BRCA2: variants seen among roughly 807,000 people sequenced by gnomAD.
The protein encoded by BRCA2 is BRCA2 DNA repair associated.
A neutral mutation model predicts 276.7 loss-of-function variants in BRCA2; 203 were observed. The observed-to-expected ratio is 0.73, with a 90% CI of 0.65 to 0.82. The LOEUF (loss-of-function observed/expected upper bound fraction) is 0.82, where lower values mean the gene tolerates loss of function less well. Ranked by LOEUF, BRCA2 falls within the 40% of genes least tolerant of loss-of-function variation. The pLI is 0.00. For missense variants in BRCA2, 3,920 were observed against 3,915.0 expected, an observed-to-expected ratio of 1.00 and a Z score of -0.03; for synonymous variants, 1,289 against 1,338.4, an observed-to-expected ratio of 0.96 and a Z score of 0.81.
chr13:32,333,862 A>G (rs1265132409), intron 10 of BRCA2, among the ~76,000 whole-genome samples: 3 of 152,116 alleles, frequency 2.0e-5, no homozygotes, highest in Admixed American at 6.6e-5. Context: ...ATGAGTGAGA[A>G]CATGTGATGT....
chr13:32,363,155 ATGCATTT>A lies in BRCA2; in HGVS notation c.7977-22_7977-16del. ...ATTCTAGAGTCACACTTCCTAAAAT[ATGCATTT>A]TTGTTTTCACTTTTAGATATGATAC... On this transcript the variant is annotated splice_polypyrimidine_tract_variant and intron_variant, in intron 17 of 26. Coordinates refer to ENST00000380152, the MANE Select transcript of BRCA2 (RefSeq NM_000059.4). 6.3e-7 allele frequency: 1 copy of A among 1,582,668 alleles called. No homozygotes were observed.
At chr13:32,375,068 C>T (rs1480499888) in intron 20 of BRCA2, among the ~76,000 whole-genome samples, 4 of 152,178 alleles carry the variant, frequency 2.6e-5, no homozygotes, top group Admixed American at 6.5e-5. Flanking sequence ...ACAGGGAGAA[C>T]TCTCACTTTT....
rs11571598 is a variant in BRCA2 at position 32,322,585 on chromosome 13, C to T, written c.317-2491C>T. Among the ~76,000 whole-genome samples the T allele has an allele frequency of 0.041, 6,226 of 152,302 alleles. 220 individuals carry two copies. Among genetic ancestry groups the T allele is most frequent in the South Asian group, 0.11 (554 of 4,828 alleles). Reference sequence around the variant, plus strand: ...AAGAACGCCTTTAAGCGGTTTTCTGCCCCGGGTGGGCCAGGTGTTCCTTGC... The same window carrying T: ...AAGAACGCCTTTAAGCGGTTTTCTGTCCCGGGTGGGCCAGGTGTTCCTTGC... On this transcript the variant is annotated intron_variant, in intron 3 of 26. Coordinates refer to ENST00000380152, the MANE Select transcript of BRCA2 (RefSeq NM_000059.4).
At chr13:32,366,715 T>C (rs376524150) in intron 18 of BRCA2, among the ~76,000 whole-genome samples, 1 of 151,730 alleles carries the variant, frequency 6.6e-6, no homozygotes, top group East Asian at 1.9e-4. Context: ...CCAGCTACTG[T>C]GGAGGCTGAG....
At chr13:32,329,298 A>G (rs55669236) in intron 7 of BRCA2, 145 bp from the exon 8 acceptor site, 132 of 610,312 alleles carry the variant, frequency 2.2e-4, no homozygotes, top group African/African-American at 2.0e-3. Context: ...CTTTCTAATT[A>G]CTATACTTAA....
rs2073040194 is a variant in BRCA2 at position 32,396,921 on chromosome 13, A to G, written c.9525A>G (p.Glu3175=). The change falls in exon 26 of 27, where the codon GAA becomes GAG. Residue 3175 remains glutamate, a synonymous_variant. Coordinates refer to ENST00000380152, the MANE Select transcript of BRCA2 (RefSeq NM_000059.4). ...TVENIDILCN[E]AENKLMHILH... ...AGAATATTGACATACTTTGCAATGA[A>G]GCAGAAAACAAGCTTATGCATATAC... The G allele has an allele frequency of 1.2e-6, 2 of 1,614,154 alleles. No homozygotes were observed. The highest frequency in any genetic ancestry group is 1.7e-6 in the Non-Finnish European group (2 of 1,180,008).
chr13:32,336,864 G>C lies in BRCA2; in HGVS notation c.2509G>C (p.Glu837Gln). 1 of 1,609,790 alleles carries C rather than the reference G, an allele frequency of 6.2e-7. No homozygotes were observed. Among genetic ancestry groups the C allele is most frequent in the South Asian group, 1.1e-5 (1 of 89,536 alleles). ...NYKNVELLPP[E>Q]KYMRVASPSR... ...TAAAAACGTTGAGCTGTTGCCACCTGAAAAATACATGAGAGTAGCATCACC... is the reference window on the plus strand; with the variant it reads ...TAAAAACGTTGAGCTGTTGCCACCTCAAAAATACATGAGAGTAGCATCACC... Residue 837 changes from glutamate to glutamine, a missense_variant, in exon 11 of 27, where the codon GAA (glutamate) becomes CAA (glutamine). Physicochemically the swap from Glu to Gln is conservative, Grantham distance 29. Transcript: ENST00000380152.
At chr13:32,332,145 C>G (rs1348213066) in intron 9 of BRCA2, 127 bp from the exon 10 acceptor site, 1 of 950,080 alleles carries the variant, frequency 1.1e-6, no homozygotes, top group African/African-American at 1.7e-5. Context: ...CAGAATAACC[C>G]TTTAAATACT....
At chr13:32,370,628 G>T in intron 19 of BRCA2, 71 bp downstream of exon 19, 3 of 1,529,268 alleles carry the variant, frequency 2.0e-6, no homozygotes, top group Non-Finnish European at 1.8e-6. Context: ...GTTTGTTTGA[G>T]ATGGAGTTTC....
In BRCA2 at chr13:32,328,764, A is replaced by G. The variant is rs186147531; in HGVS notation, c.632-679A>G. 3.5e-3 allele frequency among the ~76,000 whole-genome samples: 536 copies of G among 152,346 alleles called. 2 individuals carry two copies. The highest frequency in any genetic ancestry group is 0.013 in the African/African-American group (522 of 41,586). On this transcript the variant is annotated intron_variant, in intron 7 of 26. Transcript: ENST00000380152. The stretch of plus-strand genomic sequence containing the variant: ...TTATTCATTGTTTATCTGAAATTCA[A>G]ATTTAATGAGGTGTCCTGTATTTTA...
intron 21 of BRCA2, among the ~76,000 whole-genome samples, chr13:32,377,376 G>A (rs1283731104): frequency 6.6e-6 from 1 of 152,180 alleles, no homozygotes; most frequent in East Asian, 1.9e-4. Flanking sequence ...AGGATCACCT[G>A]AGGTCGGGAG....
In BRCA2 at chr13:32,320,185, G is replaced by A. The variant is rs11571589; in HGVS notation, c.316+860G>A. Among the ~76,000 whole-genome samples, 1,596 of 152,304 alleles carry A rather than the reference G, an allele frequency of 0.01. 11 individuals carry two copies. The highest frequency in any genetic ancestry group is 0.018 in the Non-Finnish European group (1,243 of 68,012). Reference sequence around the variant, plus strand: ...AAGGCAAAAAGGCAGACTAAAGGCAGGCATTGAATGCCAAGCTAAAGAAAT... The same window carrying A: ...AAGGCAAAAAGGCAGACTAAAGGCAAGCATTGAATGCCAAGCTAAAGAAAT... On this transcript the variant is annotated intron_variant, in intron 3 of 26. Transcript: ENST00000380152.
chr13:32,337,790 T>C lies in BRCA2; in HGVS notation c.3435T>C (p.Pro1145=), dbSNP rs1555283234. The C allele has an allele frequency of 6.2e-7, 1 of 1,614,050 alleles. No individual in the cohort carries two copies. The highest frequency in any genetic ancestry group is 8.5e-7 in the Non-Finnish European group (1 of 1,179,956). ...TGCAGAAGAGTACATTTGAAGTGCC[T>C]GAAAACCAGATGACTATCTTAAAGA... is the stretch of plus-strand genomic sequence containing the variant. ...YILQKSTFEV[P]ENQMTILKTT... The change falls in exon 11 of 27, where the codon CCT becomes CCC. Residue 1145 remains proline, a synonymous_variant. Coordinates refer to ENST00000380152, the MANE Select transcript of BRCA2 (RefSeq NM_000059.4).
rs1555280862 is a variant in BRCA2, at chr13:32,325,150, T to G, written c.391T>G (p.Ser131Ala). 1 of 1,604,800 alleles carries G rather than the reference T, an allele frequency of 6.2e-7. No homozygotes were observed. ...KTKMDQADDV[S>A]CPLLNSCLSE... is the part of the protein sequence containing the mutation. Reference sequence around the variant, plus strand: ...TAAAATGGATCAAGCAGATGATGTTTCCTGTCCACTTCTAAATTCTTGTCT... The same window carrying G: ...TAAAATGGATCAAGCAGATGATGTTGCCTGTCCACTTCTAAATTCTTGTCT... Residue 131 changes from serine (S) to alanine (A), a missense_variant, in exon 4 of 27, where the codon TCC (serine) becomes GCC (alanine). Around this residue, in one of 2 missense-constraint regions of BRCA2, gnomAD observed 3,263 missense variants for 3,156.9 expected, o/e 1.03. Transcript: ENST00000380152.
At position 32,376,120 on chromosome 13, in the gene BRCA2, A is replaced by G. The variant is rs9534323; in HGVS notation, c.8633-550A>G. Reference sequence around the variant, plus strand: ...TATCTATGAAACTCAGTGAAGTGAAATACATTAAAACAAATATACCTATGT... The same window carrying G: ...TATCTATGAAACTCAGTGAAGTGAAGTACATTAAAACAAATATACCTATGT... On this transcript the variant is annotated intron_variant, in intron 20 of 26. Transcript: ENST00000380152. Among the ~76,000 whole-genome samples, 77,883 of 151,174 alleles carry G rather than the reference A, an allele frequency of 0.52. 20,085 individuals are homozygous for G. Among genetic ancestry groups the G allele is most frequent in the East Asian group, 0.57 (2,943 of 5,158 alleles).
At chr13:32,321,978 A>C (rs188958554) in intron 3 of BRCA2, among the ~76,000 whole-genome samples, 1 of 152,250 alleles carries the variant, frequency 6.6e-6, no homozygotes, top group African/African-American at 2.4e-5. Context: ...TCATTGCTGA[A>C]CTAAAATGGA....
Position 32,380,554 on chromosome 13 carries a change from T to TA in BRCA2, c.9256+409_9256+410insA, listed in dbSNP as rs1555288607. ...TCAAGCTTTTTTTTTTTTTTTTTTTTCCCCGAGATGGAGTCTCACTCTGTT... is the reference window on the plus strand; with the variant it reads ...TCAAGCTTTTTTTTTTTTTTTTTTTTACCCCGAGATGGAGTCTCACTCTGTT... On this transcript the variant is annotated intron_variant, in intron 24 of 26. Coordinates refer to ENST00000380152, the MANE Select transcript of BRCA2 (RefSeq NM_000059.4). Among the ~76,000 whole-genome samples, 3 of 146,720 alleles carry TA rather than the reference T, an allele frequency of 2.0e-5. No individual in the cohort carries two copies. The Admixed American group carries it at 2.1e-4, about 10-fold the overall frequency.
rs2137450775 is a variant in BRCA2, at chr13:32,326,294, A to G, written c.516+12A>G. On this transcript the variant is annotated intron_variant, in intron 6 of 26. Transcript: ENST00000380152. ...CAAAGTTTGTGAAGGTAAATATTCT[A>G]CCTGGTTTATTTTTATGACTTAGTA... 1 of 1,609,568 alleles carries G rather than the reference A, an allele frequency of 6.2e-7. No individual in the cohort carries two copies. Among genetic ancestry groups the G allele is most frequent in the South Asian group, 1.1e-5 (1 of 90,932 alleles).
rs28897734 is a variant in BRCA2, at chr13:32,339,554, C to T, written c.5199C>T (p.Ser1733=). The T allele has an allele frequency of 5.0e-3, 8,034 of 1,607,272 alleles. 50 individuals carry two copies. The highest frequency in any genetic ancestry group is 5.6e-3 in the Non-Finnish European group (6,571 of 1,176,432). Residue 1733 remains serine (S), a synonymous_variant, in exon 11 of 27, where the codon TCC becomes TCT. Transcript: ENST00000380152. The stretch of plus-strand genomic sequence containing the variant: ...CTGAAAATGACAAAAATCATCTCTC[C>T]GAAAAACAAGATACTTATTTAAGTA... ...TIAENDKNHL[S]EKQDTYLSNS...
Sources: gnomAD v4.1 joint callset for allele counts (sites outside exome capture counted in the v4.1 genomes callset) on GRCh38, gnomAD v4.1.1 for gene constraint, gnomAD v4.1.1 regional missense constraint, MANE v1.5 for transcripts, NCBI Gene and HGNC (gene_info 2026-07-23, HGNC 2026-07-21) for gene names.